ADD3: variants seen among roughly 807,000 people sequenced by gnomAD.
ADD3 encodes the protein adducin 3.
Under a neutral mutation model 80.2 loss-of-function variants are expected in ADD3, and 25 were observed. The ratio of observed to expected loss-of-function variants is 0.31; its 90% CI spans 0.23 to 0.44. The LOEUF (loss-of-function observed/expected upper bound fraction) is 0.44. ADD3 is among the 20% of genes least tolerant of loss of function. ADD3 has a pLI of 1.00. For missense variants in ADD3, 829 were observed against 847.5 expected (o/e 0.98, Z 0.27); for synonymous variants, 284 against 289.6 (o/e 0.98, Z 0.20).
intron 1 of ADD3, among the ~76,000 whole-genome samples, chr10:110,063,543 C>T (rs1284763389): frequency 1.3e-5 from 2 of 151,044 alleles, no homozygotes; most frequent in Non-Finnish European, 3.0e-5. Context: ...AACAGTGTCT[C>T]CAGAGAGCTA....
At chr10:110,125,978 A>G (rs1190780546) in intron 11 of ADD3, 33 bp downstream of exon 11, 19 of 1,567,766 alleles carry the variant, frequency 1.2e-5, no homozygotes, top group Non-Finnish European at 1.7e-5. Context: ...CAGGGGAGAC[A>G]TTTTAATTGC....
chr10:110,013,112 T>C (rs548396592), intron 1 of ADD3, among the ~76,000 whole-genome samples: 1 of 152,276 alleles, frequency 6.6e-6, no homozygotes, highest in South Asian at 2.1e-4. Flanking sequence ...TTTTGTTTTG[T>C]TTTGTTTTGA....
Position 110,016,866 on chromosome 10 carries a change from T to A in ADD3, c.-30+8567T>A, listed in dbSNP as rs1589734739. On this transcript the variant is annotated intron_variant, in intron 1 of 14. Coordinates refer to ENST00000356080, the MANE Select transcript of ADD3 (RefSeq NM_016824.5). ...GGTAGTAGAACTAGTTACAGGTCAG[T>A]GGAGGTTTAAGGTATCTGGAATAGG... Among the ~76,000 whole-genome samples the A allele has an allele frequency of 2.0e-5, 3 of 152,186 alleles. No individual in the cohort carries two copies. In the East Asian group the frequency reaches 5.8e-4, roughly 29 times the overall value.
chr10:110,017,654 A>G (rs549364722), intron 1 of ADD3, among the ~76,000 whole-genome samples: 128 of 152,276 alleles, frequency 8.4e-4, no homozygotes, highest in African/African-American at 3.0e-3. Context: ...CAATATGGCA[A>G]TAATCATGTC....
chr10:110,096,202 T>TAG (rs1848129967), intron 1 of ADD3, among the ~76,000 whole-genome samples: 1 of 152,258 alleles, frequency 6.6e-6, no homozygotes, highest in East Asian at 1.9e-4. Flanking sequence ...TTCAGCATTC[T>TAG]ACCTAGAAAT....
At chr10:110,058,738 T>G (rs1451870319) in intron 1 of ADD3, among the ~76,000 whole-genome samples, 1 of 152,244 alleles carries the variant, frequency 6.6e-6, no homozygotes, top group Non-Finnish European at 1.5e-5. Flanking sequence ...GAGCCTTTTA[T>G]GTATGTTGAA....
intron 1 of ADD3, among the ~76,000 whole-genome samples, chr10:110,019,535 T>C (rs1316155591): frequency 2.6e-5 from 4 of 152,118 alleles, no homozygotes; most frequent in African/African-American, 4.8e-5. Context: ...TTTGTATTTT[T>C]AGTGGAGACG....
intron 1 of ADD3, among the ~76,000 whole-genome samples, chr10:110,014,882 A>AT (rs560198251): frequency 9.6e-5 from 14 of 146,236 alleles, no homozygotes; most frequent in East Asian, 4.2e-4. Context: ...GGAAGGTAGA[A>AT]TTTTTTTTTT....
At chr10:110,097,282 T>C (rs1848278204) in intron 1 of ADD3, among the ~76,000 whole-genome samples, 1 of 152,170 alleles carries the variant, frequency 6.6e-6, no homozygotes, top group East Asian at 1.9e-4. Context: ...TATCCTATCT[T>C]ACCTGTGAGC....
rs1267087944 is a variant in ADD3, at chr10:110,125,963, A to G, written c.1521+18A>G. On this transcript the variant is annotated intron_variant, in intron 11 of 14. Transcript: ENST00000356080. ...GAAATAAGGTAAGACATGGTCTTCTATAGCCAGGGGAGACATTTTAATTGC... is the reference window on the plus strand; with the variant it reads ...GAAATAAGGTAAGACATGGTCTTCTGTAGCCAGGGGAGACATTTTAATTGC... 2 of 1,590,768 alleles carry G rather than the reference A, an allele frequency of 1.3e-6. No homozygotes were observed. Among genetic ancestry groups the G allele is most frequent in the African/African-American group, 2.7e-5 (2 of 74,046 alleles).
At chr10:110,053,191 A>G (rs1157424436) in intron 1 of ADD3, among the ~76,000 whole-genome samples, 1 of 152,132 alleles carries the variant, frequency 6.6e-6, no homozygotes, top group African/African-American at 2.4e-5. Context: ...TGATCTGTCT[A>G]CATTTTCACA....
chr10:110,068,220 G>T (rs141549897), intron 1 of ADD3, among the ~76,000 whole-genome samples: 2 of 152,002 alleles, frequency 1.3e-5, no homozygotes, highest in African/African-American at 4.8e-5. Flanking sequence ...CTTCCACCGA[G>T]TTTTTGTACT....
intron 1 of ADD3, among the ~76,000 whole-genome samples, chr10:110,026,281 TG>T (rs976753709): frequency 7.4e-6 from 1 of 135,984 alleles, no homozygotes; most frequent in African/African-American, 3.2e-5. Flanking sequence ...CCAGTTTTCT[TG>T]TTTTTTTTTT....
At chr10:109,996,938 C>G (rs906995571) in intron 1 of ADD3, among the ~76,000 whole-genome samples, 11 of 152,166 alleles carry the variant, frequency 7.2e-5, no homozygotes, top group Admixed American at 5.9e-4. Flanking sequence ...TAATGTGTTA[C>G]TACTCCCAGG....
intron 1 of ADD3, among the ~76,000 whole-genome samples, chr10:110,087,875 C>T (rs961181696): frequency 2.0e-5 from 3 of 152,108 alleles, no homozygotes; most frequent in East Asian, 1.9e-4. Flanking sequence ...CTTACAGTTC[C>T]GGAGGCCAGA....
At chr10:110,083,063 G>T (rs1846262897) in intron 1 of ADD3, among the ~76,000 whole-genome samples, 1 of 152,150 alleles carries the variant, frequency 6.6e-6, no homozygotes, top group Non-Finnish European at 1.5e-5. Context: ...ACTCTAAGTG[G>T]ACAGTAAAGA....
intron 12 of ADD3, among the ~76,000 whole-genome samples, chr10:110,129,604 A>C (rs958096764): frequency 6.6e-6 from 1 of 152,078 alleles, no homozygotes; most frequent in African/African-American, 2.4e-5. Flanking sequence ...ACCACCTTCT[A>C]TGGTACCTAT....
chr10:110,129,479 T>C (rs1445817255), intron 12 of ADD3, among the ~76,000 whole-genome samples: 1 of 152,144 alleles, frequency 6.6e-6, no homozygotes, highest in Middle Eastern at 3.2e-3. Flanking sequence ...TCTGATCTTC[T>C]GCAGAGATGA....
intron 1 of ADD3, among the ~76,000 whole-genome samples, chr10:110,055,238 G>T (rs958449981): frequency 1.3e-5 from 2 of 152,180 alleles, no homozygotes; most frequent in African/African-American, 4.8e-5. Flanking sequence ...TCTTGCCCGG[G>T]TGTTCTGAAT....
Sources: allele counts gnomAD v4.1 joint callset (sites outside exome capture counted in the v4.1 genomes callset), GRCh38; gene constraint gnomAD v4.1.1; transcripts MANE v1.5; gene names NCBI Gene and HGNC (gene_info 2026-07-23, HGNC 2026-07-21).